COP1: variants seen among roughly 807,000 people sequenced by gnomAD.
COP1 encodes the protein E3 ubiquitin-protein ligase COP1.
In COP1, 24 loss-of-function variants were observed where a neutral mutation model predicts 101.3. That is an observed-to-expected ratio of 0.24 (90% confidence interval 0.17 to 0.33). The LOEUF is 0.33. COP1 is among the 10% of genes least tolerant of loss of function. The pLI is 1.00. For missense variants in COP1, 663 were observed against 906.2 expected (o/e 0.73, Z 3.45); for synonymous variants, 347 against 341.9 (o/e 1.01, Z -0.17).
At chr1:175,966,640 A>G (rs186562353) in intron 18 of COP1, among the ~76,000 whole-genome samples, 1 of 152,352 alleles carries the variant, frequency 6.6e-6, no homozygotes, top group East Asian at 1.9e-4. Flanking sequence ...AGCAAAATGG[A>G]AGAAAGAAGA....
At chr1:176,137,023 C>T (rs1359535411) in intron 6 of COP1, among the ~76,000 whole-genome samples, 1 of 152,082 alleles carries the variant, frequency 6.6e-6, no homozygotes, top group Non-Finnish European at 1.5e-5. Context: ...GCTGGTATTA[C>T]AGGCGTGAGC....
chr1:176,056,320 C>G (rs1405651885), intron 11 of COP1, among the ~76,000 whole-genome samples: 1 of 152,130 alleles, frequency 6.6e-6, no homozygotes. Flanking sequence ...AGGGCTTCTA[C>G]AGTTTTATTA....
chr1:176,115,435 G>A (rs550695621), intron 9 of COP1, among the ~76,000 whole-genome samples: 11 of 147,102 alleles, frequency 7.5e-5, no homozygotes, highest in East Asian at 4.1e-4. Flanking sequence ...GGGCAGGAGC[G>A]GGACTCTGTC....
At chr1:176,043,329 A>AG (rs1670964526) in intron 13 of COP1, 62 bp from the exon 14 acceptor site, 1 of 1,004,554 alleles carries the variant, frequency 1.0e-6, no homozygotes, top group Admixed American at 2.3e-5. Flanking sequence ...GAATAAAGCA[A>AG]GAAAAAAAAA....
intron 15 of COP1, among the ~76,000 whole-genome samples, chr1:175,997,865 G>C (rs1048690375): frequency 1.3e-5 from 2 of 151,968 alleles, no homozygotes; most frequent in Non-Finnish European, 2.9e-5. Flanking sequence ...TCTAGAACTA[G>C]AAATACCATT....
chr1:176,110,658 A>C (rs1261937113), intron 9 of COP1, among the ~76,000 whole-genome samples: 1 of 152,196 alleles, frequency 6.6e-6, no homozygotes, highest in Non-Finnish European at 1.5e-5. Flanking sequence ...AAAAACAAAA[A>C]AACAAAACAA....
At chr1:175,964,838 A>C (rs1008118761) in intron 18 of COP1, among the ~76,000 whole-genome samples, 2 of 152,224 alleles carry the variant, frequency 1.3e-5, no homozygotes, top group African/African-American at 2.4e-5. Context: ...ACTAGGCTTC[A>C]CACAAAAAAA....
intron 3 of COP1, among the ~76,000 whole-genome samples, chr1:176,165,201 G>T (rs553102892): frequency 6.6e-6 from 1 of 152,158 alleles, no homozygotes; most frequent in Admixed American, 6.5e-5. Context: ...CATTAAAATA[G>T]ATTTACAAAG....
At chr1:176,067,504 A>G (rs529299289) in intron 11 of COP1, among the ~76,000 whole-genome samples, 79 of 152,314 alleles carry the variant, frequency 5.2e-4, no homozygotes, top group South Asian at 8.3e-4. Flanking sequence ...GCCATCAACC[A>G]GCAGGAGGAT....
chr1:176,099,752 A>C lies in COP1; in HGVS notation c.1027-13862T>G, dbSNP rs147102750. Among the ~76,000 whole-genome samples the C allele has an allele frequency of 9.3e-3, 1,409 of 152,200 alleles. 24 individuals carry two copies. Among genetic ancestry groups the C allele is most frequent in the African/African-American group, 0.032 (1,339 of 41,510 alleles). Reference sequence around the variant, plus strand: ...AGCCAATAAAAGCCCCTTGGGAAAAATGGCCTCATACCCTTGTCTACACAG... The same window carrying C: ...AGCCAATAAAAGCCCCTTGGGAAAACTGGCCTCATACCCTTGTCTACACAG... On this transcript the variant is annotated intron_variant, in intron 9 of 19. Transcript: ENST00000367669.
In COP1 at chr1:176,085,856, G is replaced by A. The variant is rs1303904235; in HGVS notation, c.1061C>T (p.Ala354Val). 2 of 1,607,292 alleles carry A rather than the reference G, an allele frequency of 1.2e-6. No individual in the cohort carries two copies. Among genetic ancestry groups the A allele is most frequent in the Middle Eastern group, 1.7e-4 (1 of 5,738 alleles). Residue 354 changes from alanine (A) to valine (V), a missense_variant, in exon 10 of 20, where the codon GCA becomes GTA. Coordinates refer to ENST00000367669, the MANE Select transcript of COP1 (RefSeq NM_022457.7). ...AGCAGTAAGTCGTTTTCGTCTTGAT[G>A]CTAACGTGCTATTATACCAAGGCTG... ...KKQPWYNSTLASRRKRLTAHF... is the reference protein window; with the variant it reads ...KKQPWYNSTLVSRRKRLTAHF...
chr1:175,990,920 G>A (rs1034373710), intron 15 of COP1, among the ~76,000 whole-genome samples: 2 of 122,996 alleles, frequency 1.6e-5, no homozygotes, highest in Admixed American at 1.7e-4. Flanking sequence ...TTTTTTTTTT[G>A]TAAACCCATT....
chr1:176,203,210 G>A (rs1021042582), intron 1 of COP1, among the ~76,000 whole-genome samples: 14 of 152,070 alleles, frequency 9.2e-5, no homozygotes, highest in Non-Finnish European at 1.9e-4. Flanking sequence ...GGTGGCCGGC[G>A]CCTGTAGTCC....
intron 15 of COP1, among the ~76,000 whole-genome samples, chr1:176,023,069 G>A (rs115982618): frequency 6.6e-6 from 1 of 152,102 alleles, no homozygotes; most frequent in Non-Finnish European, 1.5e-5. Flanking sequence ...CTGATTCCGT[G>A]ATTACAGTAA....
At chr1:176,088,469 A>G (rs545682375) in intron 9 of COP1, among the ~76,000 whole-genome samples, 2 of 152,344 alleles carry the variant, frequency 1.3e-5, no homozygotes, top group East Asian at 3.9e-4. Flanking sequence ...TGAATGTTCC[A>G]TATGTTCATC....
intron 15 of COP1, among the ~76,000 whole-genome samples, chr1:176,007,709 C>T (rs1198983517): frequency 6.6e-6 from 1 of 152,140 alleles, no homozygotes. Flanking sequence ...GTTCTCAGAT[C>T]TCCAGCTGCG....
intron 11 of COP1, among the ~76,000 whole-genome samples, chr1:176,070,363 T>A (rs1445549521): frequency 5.3e-5 from 8 of 151,572 alleles, no homozygotes; most frequent in South Asian, 4.2e-4. Flanking sequence ...CTTTTTTTTT[T>A]AAATTAAAAA....
At chr1:176,043,447 C>T (rs1182384006) in intron 13 of COP1, among the ~76,000 whole-genome samples, 180 bp from the exon 14 acceptor site, 3 of 151,994 alleles carry the variant, frequency 2.0e-5, no homozygotes, top group African/African-American at 4.8e-5. Flanking sequence ...ACTTTTTATA[C>T]ATTTACCAAA....
At chr1:176,174,686 T>G (rs935197091) in intron 3 of COP1, among the ~76,000 whole-genome samples, 1 of 152,104 alleles carries the variant, frequency 6.6e-6, no homozygotes, top group Non-Finnish European at 1.5e-5. Flanking sequence ...AAACAACAAT[T>G]TGAGCTAAAA....
Sources: gnomAD v4.1 joint callset for allele counts (sites outside exome capture counted in the v4.1 genomes callset) on GRCh38, gnomAD v4.1.1 for gene constraint, MANE v1.5 for transcripts, NCBI Gene and HGNC (gene_info 2026-07-23, HGNC 2026-07-21) for gene names.